Variants in DPP10 observed in about 807,000 individuals in gnomAD.
DPP10 encodes the protein inactive dipeptidyl peptidase 10.
In DPP10, 33 loss-of-function variants were observed where a neutral mutation model predicts 120.9. That is an observed-to-expected ratio of 0.27 (90% CI 0.21 to 0.37). The LOEUF (loss-of-function observed/expected upper bound fraction) is 0.37. DPP10 is among the 10% of genes least tolerant of loss of function. The probability of loss-of-function intolerance (pLI) is 1.00; values close to 1 mark genes in which losing one functional copy is unlikely to be tolerated. For synonymous variants in DPP10, 337 were observed against 326.1 expected (o/e 1.03, Z -0.36); for missense variants, 816 against 942.8 (o/e 0.87, Z 1.76).
Position 115,579,672 on chromosome 2 carries a change from G to T in DPP10, c.441+53700G>T, listed in dbSNP as rs142966273. 8 of 152,308 alleles carry T rather than the reference G, an allele frequency of 5.3e-5. 1 individual carries two copies. The highest frequency in any genetic ancestry group is 1.9e-4 in the African/African-American group (8 of 41,562). The allele number at this position is 152,308 out of a possible 1,614,324, so 9.4% of individuals were successfully genotyped here. On this transcript the variant is annotated intron_variant, in intron 5 of 25. Coordinates refer to ENST00000410059, the MANE Select transcript of DPP10 (RefSeq NM_020868.6). ...GACAGATAATATTTAAAGAATAAGA[G>T]TAGTATAAAAGACCTTCATATACAT...
chr2:114,769,663 T>C (rs1416159076), intron 1 of DPP10, among the ~76,000 whole-genome samples: 2 of 152,158 alleles, frequency 1.3e-5, no homozygotes, highest in African/African-American at 4.8e-5. Context: ...ATTACTAGAG[T>C]ATGATTCACT....
chr2:115,036,823 TC>T (rs1292468592), intron 1 of DPP10, among the ~76,000 whole-genome samples: 2 of 152,178 alleles, frequency 1.3e-5, no homozygotes, highest in Non-Finnish European at 2.9e-5. Flanking sequence ...TGAAAGAAAC[TC>T]CCAAATTTCT....
At chr2:114,469,089 T>C (rs952035240) in intron 1 of DPP10, among the ~76,000 whole-genome samples, 1 of 151,800 alleles carries the variant, frequency 6.6e-6, no homozygotes, top group Admixed American at 6.6e-5. Flanking sequence ...CCATGAATTA[T>C]GAACAGTGGA....
intron 7 of DPP10, among the ~76,000 whole-genome samples, chr2:115,705,373 G>T (rs932914474): frequency 2.0e-5 from 3 of 151,802 alleles, no homozygotes; most frequent in African/African-American, 7.3e-5. Flanking sequence ...TGTATGATAA[G>T]CATACACAAA....
At chr2:115,511,622 G>GT (rs978554832) in intron 4 of DPP10, among the ~76,000 whole-genome samples, 7 of 145,770 alleles carry the variant, frequency 4.8e-5, no homozygotes, top group African/African-American at 1.3e-4. Flanking sequence ...TAGTTTCCTT[G>GT]TTTTTTTCCT....
intron 1 of DPP10, among the ~76,000 whole-genome samples, chr2:115,297,738 T>C (rs2060951090): frequency 6.6e-6 from 1 of 152,060 alleles, no homozygotes; most frequent in South Asian, 2.1e-4. Context: ...CCTAGAACTT[T>C]AGGCAGAACT....
intron 1 of DPP10, among the ~76,000 whole-genome samples, chr2:115,278,762 C>T (rs190434764): frequency 7.9e-5 from 12 of 151,978 alleles, no homozygotes; most frequent in Admixed American, 4.6e-4. Flanking sequence ...ATAAGGAATC[C>T]GTCCCCATGA....
chr2:115,418,303 T>C (rs1397301600), intron 3 of DPP10, among the ~76,000 whole-genome samples: 2 of 152,146 alleles, frequency 1.3e-5, no homozygotes, highest in African/African-American at 4.8e-5. Context: ...CGAGAATTTA[T>C]TTATTGCTGT....
At chr2:115,821,134 A>G (rs763233166) in intron 21 of DPP10, among the ~76,000 whole-genome samples, 38 of 152,152 alleles carry the variant, frequency 2.5e-4, no homozygotes, top group Non-Finnish European at 3.1e-4. Context: ...CCATTTAATC[A>G]AACATATCCA....
chr2:114,466,777 C>T (rs1679417283), intron 1 of DPP10, among the ~76,000 whole-genome samples: 1 of 152,178 alleles, frequency 6.6e-6, no homozygotes, highest in Admixed American at 6.5e-5. Context: ...GGCGCGATGG[C>T]TCATGCCTGT....
rs1328103725 is a variant in DPP10 at position 114,467,857 on chromosome 2, C to T, written c.60+25019C>T. 2.1e-5 allele frequency among the ~76,000 whole-genome samples: 3 copies of T among 145,624 alleles called. No homozygotes were observed. The East Asian group carries it at 6.0e-4, about 29-fold the overall frequency. On this transcript the variant is annotated intron_variant, in intron 1 of 25. Coordinates refer to ENST00000410059, the MANE Select transcript of DPP10 (RefSeq NM_020868.6). ...CTACAAAACAAAACAAAACAAAACA[C>T]CACAAAAAAACATTAGCCAGGCATG...
At chr2:115,227,744 GTC>G (rs1449399037) in intron 1 of DPP10, among the ~76,000 whole-genome samples, 1 of 152,074 alleles carries the variant, frequency 6.6e-6, no homozygotes, top group African/African-American at 2.4e-5. Flanking sequence ...GTGTGTATCA[GTC>G]TCTGTTTTCT....
intron 1 of DPP10, among the ~76,000 whole-genome samples, chr2:114,478,909 A>G (rs1680764201): frequency 6.6e-6 from 1 of 150,928 alleles, no homozygotes. Flanking sequence ...AATGCTGATG[A>G]AAGAAATCAA....
intron 1 of DPP10, among the ~76,000 whole-genome samples, chr2:114,613,346 G>A (rs1034072931): frequency 6.6e-6 from 1 of 152,092 alleles, no homozygotes; most frequent in African/African-American, 2.4e-5. Context: ...AAGAAACTGA[G>A]GATGAAAAAA....
At chr2:115,348,978 C>G (rs1359758371) in intron 3 of DPP10, among the ~76,000 whole-genome samples, 1 of 152,102 alleles carries the variant, frequency 6.6e-6, no homozygotes, top group South Asian at 2.1e-4. Context: ...AGTAAGATAA[C>G]AACACTCTTA....
In DPP10 at chr2:114,618,126, C is replaced by T. The variant is rs185294364; in HGVS notation, c.60+175288C>T. On this transcript the variant is annotated intron_variant, in intron 1 of 25. Coordinates refer to ENST00000410059, the MANE Select transcript of DPP10 (RefSeq NM_020868.6). Reference sequence around the variant, plus strand: ...AGAACATTATGACTTAAATATGTATCAAGAAGCTCTCAACCTTGGTTTCAG... The same window carrying T: ...AGAACATTATGACTTAAATATGTATTAAGAAGCTCTCAACCTTGGTTTCAG... Among the ~76,000 whole-genome samples, 8 of 152,188 alleles carry T rather than the reference C, an allele frequency of 5.3e-5. No individual in the cohort carries two copies. In the East Asian group the frequency reaches 1.5e-3, roughly 29 times the overall value.
Position 115,842,211 on chromosome 2 carries a change from G to A in DPP10, c.2257G>A (p.Val753Ile), listed in dbSNP as rs140053981. ...ATCTTCTTTCTCCTCAATATCTTAG[G>A]TCTACCCAGATGAAGGTCATAACGT... ...IKAGVNYTMQ[V>I]YPDEGHNVSE... is the part of the protein sequence containing the mutation. Residue 753 changes from valine (V) to isoleucine (I), a missense_variant and splice_region_variant, in exon 26 of 26, where the codon GTC becomes ATC. By Grantham distance (29) the Val-to-Ile change is conservative. This residue lies in a region of DPP10 where 592 missense variants were observed against 649.0 expected (regional missense o/e 0.91). Coordinates refer to ENST00000410059, the MANE Select transcript of DPP10 (RefSeq NM_020868.6). 2.1e-5 allele frequency: 34 copies of A among 1,604,416 alleles called. No individual in the cohort carries two copies. Among genetic ancestry groups the A allele is most frequent in the Non-Finnish European group, 2.6e-5 (31 of 1,173,194 alleles).
intron 1 of DPP10, among the ~76,000 whole-genome samples, chr2:115,280,802 G>A (rs2105873127): frequency 6.6e-6 from 1 of 152,284 alleles, no homozygotes; most frequent in South Asian, 2.1e-4. Context: ...AGGGTCATAT[G>A]AGGGAATGTT....
intron 1 of DPP10, among the ~76,000 whole-genome samples, chr2:114,637,736 T>C (rs1235279380): frequency 6.6e-6 from 1 of 151,884 alleles, no homozygotes; most frequent in African/African-American, 2.4e-5. Context: ...ATTTATTAAA[T>C]AGGGAGTCCT....
Sources: allele counts gnomAD v4.1 joint callset (sites outside exome capture counted in the v4.1 genomes callset), GRCh38; gene constraint gnomAD v4.1.1; regional missense constraint gnomAD v4.1.1; transcripts MANE v1.5; gene names NCBI Gene and HGNC (gene_info 2026-07-23, HGNC 2026-07-21).